The following SPAG7 variants were observed in gnomAD, a reference collection of about 807,000 sequenced individuals.
SPAG7 encodes the protein sperm-associated antigen 7.
Under a neutral mutation model 30.6 loss-of-function variants are expected in SPAG7, and 20 were observed. That is an observed-to-expected ratio of 0.65 (90% CI 0.46 to 0.95). SPAG7 has a LOEUF of 0.95. Among genes scored for constraint, SPAG7 ranks in the 40% least tolerant of loss-of-function variants. The pLI is 0.00. For synonymous variants in SPAG7, 127 were observed against 104.2 expected, an observed-to-expected ratio of 1.22 and a Z score of -1.33; for missense variants, 276 against 291.1, an observed-to-expected ratio of 0.95 and a Z score of 0.38.
Position 4,959,564 on chromosome 17 carries a change from C to T in SPAG7, c.654G>A (p.Gln218=). The change falls in exon 7 of 7, where the codon CAG becomes CAA. Residue 218 remains glutamine, a synonymous_variant. Transcript: ENST00000206020. ...NEIRAKKRLR[Q]SGEELPPTS is the part of the protein sequence containing the mutation. Reference sequence around the variant, plus strand: ...AGGTTGGCGGCAACTCTTCCCCACTCTGCCGCAGACGCTTCTTGGCTCTGA... The same window carrying T: ...AGGTTGGCGGCAACTCTTCCCCACTTTGCCGCAGACGCTTCTTGGCTCTGA... The T allele has an allele frequency of 6.2e-7, 1 of 1,613,946 alleles. No individual in the cohort carries two copies. Among genetic ancestry groups the T allele is most frequent in the Non-Finnish European group, 8.5e-7 (1 of 1,179,988 alleles).
chr17:4,967,606 GAAGGGGCCTGT>G, intron 1 of SPAG7, 103 bp downstream of exon 1: 1 of 800,854 alleles, frequency 1.2e-6, no homozygotes, highest in East Asian at 2.5e-5. Context: ...GAGGGTCTCG[GAAGGGGCCTGT>G]GAGGGGTCTT....
chr17:4,959,672 C>T, intron 6 of SPAG7, 29 bp from the exon 7 acceptor site: 1 of 1,613,356 alleles, frequency 6.2e-7, no homozygotes, highest in Non-Finnish European at 8.5e-7. Context: ...GTAGGGCGGG[C>T]CTAGAAATCC....
In SPAG7 at chr17:4,959,486, C is replaced by A; in HGVS notation, c.*48G>T. The A allele has an allele frequency of 6.7e-7, 1 of 1,489,106 alleles. No individual in the cohort carries two copies. The highest frequency in any genetic ancestry group is 9.3e-7 in the Non-Finnish European group (1 of 1,074,668). 92.2% of individuals were successfully genotyped at this position (1,489,106 alleles called of 1,614,324 possible). A position where few individuals can be genotyped will look rare whatever the true frequency, so the allele number is the denominator to read the frequency against. On this transcript the variant is annotated 3_prime_UTR_variant, in exon 7 of 7. Transcript: ENST00000206020. ...TCTAATAGCAGCAGCCTTGTCTCTC[C>A]CTGCCCCCTGCCCTGCCCCAGGGGT...
chr17:4,965,442 TTC>T (rs1301315192), intron 1 of SPAG7, among the ~76,000 whole-genome samples: 3 of 152,104 alleles, frequency 2.0e-5, no homozygotes, highest in Admixed American at 2.0e-4. Context: ...AGTCAGTTAC[TTC>T]TTCCCCTGGG....
In SPAG7 at chr17:4,960,295, C is replaced by T; in HGVS notation, c.266G>A (p.Gly89Asp). ...TTCCCCAAAGGAGAAGGATGTCAGGCCAGCCACTTCCACCACATCATGTCT... is the reference window on the plus strand; with the variant it reads ...TTCCCCAAAGGAGAAGGATGTCAGGTCAGCCACTTCCACCACATCATGTCT... Reference protein sequence around the residue: ...SILHDVVEVAGLTSFSFGEDD... With the variant: ...SILHDVVEVADLTSFSFGEDD... The change falls in exon 4 of 7, where the codon GGC (glycine) becomes GAC (aspartate). Residue 89 changes from glycine (G) to aspartate (D), a missense_variant. Physicochemically the swap from Gly to Asp is moderately conservative, Grantham distance 94. Transcript: ENST00000206020. 6.2e-7 allele frequency: 1 copy of T among 1,614,176 alleles called. No individual in the cohort carries two copies. The highest frequency in any genetic ancestry group is 1.3e-5 in the African/African-American group (1 of 75,036).
intron 5 of SPAG7, 37 bp downstream of exon 5, chr17:4,959,985 G>A: frequency 1.9e-6 from 3 of 1,613,558 alleles, no homozygotes; most frequent in Non-Finnish European, 2.5e-6. Context: ...CCAGGTGGTG[G>A]GCTTCTGGAC....
chr17:4,959,401 TC>T lies in SPAG7; in HGVS notation c.*132del. On this transcript the variant is annotated 3_prime_UTR_variant, in exon 7 of 7. Transcript: ENST00000206020. ...ACGGTGACAAATCAAACACCTGTTT[TC>T]CCCCAGCCTGAGGGACAGCTGGTAG... The T allele has an allele frequency of 1.4e-6, 1 of 690,920 alleles. No homozygotes were observed. Among genetic ancestry groups the T allele is most frequent in the Non-Finnish European group, 2.5e-6 (1 of 397,718 alleles). The allele number at this position is 690,920 out of a possible 1,614,324, so 42.8% of individuals were successfully genotyped here. A position where few individuals can be genotyped will look rare whatever the true frequency, so the allele number is the denominator to read the frequency against.
intron 1 of SPAG7, among the ~76,000 whole-genome samples, chr17:4,963,688 A>T (rs952687543): frequency 1.3e-5 from 2 of 152,000 alleles, no homozygotes; most frequent in Non-Finnish European, 2.9e-5. Context: ...CGAACTCCTG[A>T]CCTTGTGATC....
chr17:4,967,153 A>T (rs1567678088), intron 1 of SPAG7: 1 of 986,302 alleles, frequency 1.0e-6, no homozygotes, highest in African/African-American at 1.7e-5. Flanking sequence ...CGGGAATTTA[A>T]GGCTACGGAT....
chr17:4,959,993 G>T, intron 5 of SPAG7, 29 bp downstream of exon 5: 1 of 1,613,652 alleles, frequency 6.2e-7, no homozygotes, highest in East Asian at 2.2e-5. Flanking sequence ...TGGGCTTCTG[G>T]ACCCCAAGGG....
At chr17:4,967,623 G>A in intron 1 of SPAG7, 97 bp downstream of exon 1, 1 of 917,066 alleles carries the variant, frequency 1.1e-6, no homozygotes, top group South Asian at 1.4e-5. Context: ...CCTGTGAGGG[G>A]TCTTTCAAGG....
intron 1 of SPAG7, among the ~76,000 whole-genome samples, chr17:4,961,696 C>T (rs1160772316): frequency 4.3e-5 from 6 of 140,668 alleles, no homozygotes; most frequent in South Asian, 2.3e-4. Context: ...ACCTGGGAGG[C>T]GGAGCTTGCA....
rs754068212 is a variant in SPAG7 at position 4,967,754 on chromosome 17, G to A, written c.51C>T (p.Ser17=). The A allele has an allele frequency of 2.4e-5, 38 of 1,614,020 alleles. No individual in the cohort carries two copies. The Middle Eastern group carries it at 8.2e-4, about 35-fold the overall frequency. ...SILSSMEKPP[S]LGDQETRRKA... is the part of the protein sequence containing the mutation. ...TGCGCCGAGTCTCCTGGTCACCGAG[G>A]CTGGGTGGCTTCTCCATGGAGCTCA... Residue 17 remains serine (S), a synonymous_variant, in exon 1 of 7, where the codon AGC becomes AGT. Transcript: ENST00000206020.
Position 4,959,321 on chromosome 17 carries a change from G to T in SPAG7, c.*213C>A, listed in dbSNP as rs955408379. 1.2e-5 allele frequency: 7 copies of T among 590,312 alleles called. No homozygotes were observed. The highest frequency in any genetic ancestry group is 2.1e-5 in the Non-Finnish European group (7 of 331,246). The allele number at this position is 590,312 out of a possible 1,614,324, so 36.6% of individuals were successfully genotyped here. A position where few individuals can be genotyped will look rare whatever the true frequency, so the allele number is the denominator to read the frequency against. On this transcript the variant is annotated 3_prime_UTR_variant, in exon 7 of 7. Transcript: ENST00000206020. ...AATAATACAGATTAAATACCCACCT[G>T]TGCATTCACACTCTCACACACACAC...
chr17:4,967,201 G>A (rs1409122604), intron 1 of SPAG7: 11 of 989,992 alleles, frequency 1.1e-5, no homozygotes, highest in South Asian at 4.4e-5. Context: ...AAGGGACTGG[G>A]TTAAATTAAG....
At chr17:4,963,451 A>ATTTTTTT (rs35484038) in intron 1 of SPAG7, among the ~76,000 whole-genome samples, 7 of 103,222 alleles carry the variant, frequency 6.8e-5, no homozygotes, top group East Asian at 2.9e-4. Context: ...GGAAAGGGGA[A>ATTTTTTT]TTTTTTTTTT....
chr17:4,960,630 A>C, intron 2 of SPAG7, 83 bp from the exon 3 acceptor site: 1 of 1,359,022 alleles, frequency 7.4e-7, no homozygotes, highest in Non-Finnish European at 1.0e-6. Context: ...GGGCCCTTCT[A>C]CGCCTCCCCA....
intron 1 of SPAG7, among the ~76,000 whole-genome samples, chr17:4,962,138 G>A (rs939557017): frequency 1.3e-5 from 2 of 152,134 alleles, no homozygotes; most frequent in African/African-American, 4.8e-5. Context: ...TTTTGAGATG[G>A]AGTTTCACTC....
chr17:4,965,387 C>T (rs1191212914), intron 1 of SPAG7, among the ~76,000 whole-genome samples: 2 of 152,064 alleles, frequency 1.3e-5, no homozygotes, highest in African/African-American at 4.8e-5. Flanking sequence ...TGTTCCTCTG[C>T]TTGGAATGCT....
Sources: gnomAD v4.1 joint callset for allele counts (sites outside exome capture counted in the v4.1 genomes callset) on GRCh38, gnomAD v4.1.1 for gene constraint, MANE v1.5 for transcripts, NCBI Gene and HGNC (gene_info 2026-07-23, HGNC 2026-07-21) for gene names.